The following ROBO2 variants were observed in gnomAD, a reference collection of about 807,000 sequenced individuals.
The protein encoded by ROBO2 is roundabout guidance receptor 2, also known as roundabout homolog 2.
In ROBO2, 53 loss-of-function variants were observed where a neutral mutation model predicts 160.8. The observed-to-expected ratio is 0.33, with a 90% CI of 0.26 to 0.41. The LOEUF is 0.41. Ranked by LOEUF, ROBO2 falls within the 10% of genes least tolerant of loss-of-function variation. The probability of loss-of-function intolerance (pLI) is 1.00; values close to 1 mark genes in which losing one functional copy is unlikely to be tolerated. For synonymous variants in ROBO2, 664 were observed against 611.7 expected (o/e 1.09, Z -1.26); for missense variants, 1,577 against 1,722.4 (o/e 0.92, Z 1.49).
At chr3:77,289,952 G>C (rs1410102937) in intron 2 of ROBO2, among the ~76,000 whole-genome samples, 1 of 152,050 alleles carries the variant, frequency 6.6e-6, no homozygotes, top group Admixed American at 6.6e-5. Flanking sequence ...GCTGAGGCTA[G>C]ATCACCCCAG....
At chr3:77,596,083 T>C (rs1452955676) in intron 18 of ROBO2, among the ~76,000 whole-genome samples, 1 of 152,138 alleles carries the variant, frequency 6.6e-6, no homozygotes, top group Non-Finnish European at 1.5e-5. Context: ...AATATACCCC[T>C]GATATTTTGC....
rs529968529 is a variant in ROBO2 at position 76,981,024 on chromosome 3, C to T, written c.110-116990C>T. On this transcript the variant is annotated intron_variant, in intron 2 of 26. Coordinates refer to the ROBO2 transcript ENST00000487694. The stretch of plus-strand genomic sequence containing the variant: ...CTGTTGCATGTATCAGTACTTCATT[C>T]GTTTTCGTCGCCTAATAATGTTCCA... 2.1e-4 allele frequency among the ~76,000 whole-genome samples: 32 copies of T among 152,228 alleles called. No individual in the cohort carries two copies. The East Asian group carries it at 2.3e-3, about 11-fold the overall frequency.
intron 2 of ROBO2, among the ~76,000 whole-genome samples, chr3:76,142,485 A>T (rs1473821964): frequency 1.3e-5 from 2 of 152,084 alleles, no homozygotes; most frequent in Admixed American, 1.3e-4. Flanking sequence ...TCAGCCACAA[A>T]AGAATGAGAT....
chr3:77,353,519 CT>C (rs542961095), intron 2 of ROBO2, among the ~76,000 whole-genome samples: 25 of 151,300 alleles, frequency 1.7e-4, no homozygotes, highest in East Asian at 1.9e-4. Context: ...CCTAGGGAAC[CT>C]TTTTTTTTGA....
chr3:76,283,922 G>A (rs187606392), intron 2 of ROBO2, among the ~76,000 whole-genome samples: 8 of 151,980 alleles, frequency 5.3e-5, no homozygotes, highest in East Asian at 3.9e-4. Flanking sequence ...TCTTAGGATC[G>A]TTCTTCTGAG....
intron 2 of ROBO2, among the ~76,000 whole-genome samples, chr3:76,714,399 G>A (rs2093347885): frequency 6.6e-6 from 1 of 152,080 alleles, no homozygotes; most frequent in African/African-American, 2.4e-5. Flanking sequence ...TTTACAATTG[G>A]TCTGAACTCA....
chr3:77,410,501 C>CTCCTCCTCCTCTTCCTCCTCCTCT (rs1560756699), intron 2 of ROBO2, among the ~76,000 whole-genome samples: 1 of 118,828 alleles, frequency 8.4e-6, no homozygotes. Flanking sequence ...CCTCCTCCTC[C>CTCCTCCTCCTCTTCCTCCTCCTCT]TCTTCCTCCT....
chr3:76,664,280 G>C (rs2091938277), intron 2 of ROBO2, among the ~76,000 whole-genome samples: 1 of 152,188 alleles, frequency 6.6e-6, no homozygotes, highest in Non-Finnish European at 1.5e-5. Context: ...GAGAGTAAAG[G>C]TGGGAGACTT....
chr3:76,543,798 A>G (rs867147789), intron 2 of ROBO2, among the ~76,000 whole-genome samples: 4 of 152,056 alleles, frequency 2.6e-5, no homozygotes, highest in African/African-American at 9.7e-5. Flanking sequence ...CTTTAAATCC[A>G]GACCATCTTT....
chr3:77,367,575 G>T (rs940328278), intron 2 of ROBO2, among the ~76,000 whole-genome samples: 2 of 152,126 alleles, frequency 1.3e-5, no homozygotes. Context: ...GATGCCAAGA[G>T]ATATATTCTT....
At chr3:76,301,670 A>G (rs1304266830) in intron 2 of ROBO2, among the ~76,000 whole-genome samples, 1 of 152,102 alleles carries the variant, frequency 6.6e-6, no homozygotes, top group Non-Finnish European at 1.5e-5. Flanking sequence ...TCTATCTGTC[A>G]CGATATTCTA....
At chr3:76,938,083 AG>A (rs2077840778) in intron 2 of ROBO2, among the ~76,000 whole-genome samples, 1 of 152,214 alleles carries the variant, frequency 6.6e-6, no homozygotes, top group African/African-American at 2.4e-5. Flanking sequence ...TCAGTAATCA[AG>A]AAAACATTTC....
intron 2 of ROBO2, among the ~76,000 whole-genome samples, chr3:76,734,542 C>T (rs1576314324): frequency 6.6e-6 from 1 of 152,166 alleles, no homozygotes; most frequent in Non-Finnish European, 1.5e-5. Flanking sequence ...AAACGACTTT[C>T]AGCAAATTGA....
intron 2 of ROBO2, among the ~76,000 whole-genome samples, chr3:77,161,027 G>A (rs936555707): frequency 6.6e-5 from 10 of 152,084 alleles, no homozygotes; most frequent in African/African-American, 2.4e-4. Flanking sequence ...TCCACAGATA[G>A]GTAAAAGAAG....
At chr3:77,383,198 C>T (rs1057239922) in intron 2 of ROBO2, among the ~76,000 whole-genome samples, 2 of 152,180 alleles carry the variant, frequency 1.3e-5, no homozygotes, top group Admixed American at 6.5e-5. Flanking sequence ...ACCTCATTAG[C>T]ATGTTTCCTT....
chr3:76,950,258 A>G (rs1233179213), intron 2 of ROBO2, among the ~76,000 whole-genome samples: 2 of 152,194 alleles, frequency 1.3e-5, no homozygotes, highest in Non-Finnish European at 2.9e-5. Flanking sequence ...GGTAAAGAAA[A>G]TAGTAATTAG....
At chr3:77,289,356 G>A (rs535454324) in intron 2 of ROBO2, among the ~76,000 whole-genome samples, 17 of 152,048 alleles carry the variant, frequency 1.1e-4, no homozygotes, top group East Asian at 3.9e-4. Context: ...ACGGTTAAAC[G>A]GGTAAGCTGA....
At position 77,527,946 on chromosome 3, in the gene ROBO2, C is replaced by T. The variant is rs377058362; in HGVS notation, c.934+5044C>T. Among the ~76,000 whole-genome samples the T allele has an allele frequency of 1.0e-3, 153 of 151,490 alleles. 3 individuals carry two copies. In the South Asian group the frequency reaches 0.031, roughly 31 times the overall value. ...TAAAATGTTTTAAGTAGATGCTTAC[C>T]CTAAGTGGGGGAGGGATAGTGGAGC... On this transcript the variant is annotated intron_variant, in intron 6 of 25. Transcript: ENST00000461745.
chr3:76,975,215 G>T (rs1020342062), intron 2 of ROBO2, among the ~76,000 whole-genome samples: 1 of 152,154 alleles, frequency 6.6e-6, no homozygotes, highest in African/African-American at 2.4e-5. Flanking sequence ...CCACATGTTA[G>T]AAATGAGGGC....
Sources: gnomAD v4.1 joint callset for allele counts (sites outside exome capture counted in the v4.1 genomes callset) on GRCh38, gnomAD v4.1.1 for gene constraint, MANE v1.5 for transcripts, NCBI Gene and HGNC (gene_info 2026-07-23, HGNC 2026-07-21) for gene names.